KIF21B: variants seen among roughly 807,000 people sequenced by gnomAD.
KIF21B encodes the protein kinesin family member 21B, also known as kinesin-like protein KIF21B.
Under a neutral mutation model 192.9 loss-of-function variants are expected in KIF21B, and 85 were observed. The ratio of observed to expected loss-of-function variants is 0.44; its 90% CI spans 0.37 to 0.53. The LOEUF (loss-of-function observed/expected upper bound fraction) is 0.53, where lower values mean the gene tolerates loss of function less well. Among genes scored for constraint, KIF21B ranks in the 20% least tolerant of loss-of-function variants. The pLI is 0.00. For synonymous variants in KIF21B, 832 were observed against 884.6 expected (o/e 0.94, Z 1.05); for missense variants, 1,716 against 2,194.8 (o/e 0.78, Z 4.36).
In KIF21B at chr1:200,986,753, A is replaced by C; in HGVS notation, c.3689+91T>G. ...TGGCCCAGGTTACACTGTGTACAAG[A>C]TGATCAACAGAGCAGAACATCATAG... On this transcript the variant is annotated intron_variant, in intron 26 of 34. Coordinates refer to ENST00000461742, the MANE Select transcript of KIF21B (RefSeq NM_001252102.2). 3 of 1,150,372 alleles carry C rather than the reference A, an allele frequency of 2.6e-6. No individual in the cohort carries two copies. The East Asian group carries it at 7.1e-5, about 27-fold the overall frequency. The allele number at this position is 1,150,372 out of a possible 1,614,324, so 71.3% of individuals were successfully genotyped here.
intron 1 of KIF21B, 94 bp from the exon 2 acceptor site, chr1:201,009,582 C>A: frequency 1.6e-6 from 2 of 1,232,482 alleles, no homozygotes; most frequent in East Asian, 2.4e-5. Context: ...TGCCACTTCC[C>A]CCATGAGCCA....
At chr1:201,006,250 G>A (rs2102453542) in intron 3 of KIF21B, among the ~76,000 whole-genome samples, 1 of 152,364 alleles carries the variant, frequency 6.6e-6, no homozygotes, top group Middle Eastern at 3.4e-3. Context: ...TAGTGTCCTG[G>A]AGAGGGCCTG....
rs746160875 is a variant in KIF21B at position 200,975,633 on chromosome 1, C to T, written c.4480G>A (p.Gly1494Ser). ...GGGGGCTCGAAGTTGTGAGTGGGGC[C>T]GATGGTGCCCGTCACACACTCGCCC... ...ELGECVTGTI[G>S]PTHNFEPPHY... The change falls in exon 33 of 35, where the codon GGC becomes AGC. Residue 1494 changes from glycine to serine, a missense_variant. By Grantham distance (56) the Gly-to-Ser change is moderately conservative. This residue lies in a region of KIF21B where 580 missense variants were observed against 775.5 expected (regional missense o/e 0.75). Coordinates refer to ENST00000461742, the MANE Select transcript of KIF21B (RefSeq NM_001252102.2). This position sits in a 1 kb window ranked among gnomAD's most constrained non-coding sequence, Gnocchi z 4.3. 30 of 1,613,524 alleles carry T rather than the reference C, an allele frequency of 1.9e-5. No homozygotes were observed. Among genetic ancestry groups the T allele is most frequent in the African/African-American group, 1.1e-4 (8 of 75,034 alleles).
In KIF21B at chr1:200,986,922, C is replaced by T; in HGVS notation, c.3615-4G>A. On this transcript the variant is annotated splice_polypyrimidine_tract_variant and splice_region_variant and intron_variant, in intron 25 of 34. Coordinates refer to ENST00000461742, the MANE Select transcript of KIF21B (RefSeq NM_001252102.2). ...TGTGGCTCGAGATTGCCTAGGGCTACAACAGAAGAGTCCAGTGAGGCCCAG... is the reference window on the plus strand; with the variant it reads ...TGTGGCTCGAGATTGCCTAGGGCTATAACAGAAGAGTCCAGTGAGGCCCAG... 1.2e-6 allele frequency: 2 copies of T among 1,613,638 alleles called. No individual in the cohort carries two copies. The highest frequency in any genetic ancestry group is 1.7e-6 in the Non-Finnish European group (2 of 1,179,692).
At chr1:200,985,324 C>A (rs1161098869) in intron 26 of KIF21B, among the ~76,000 whole-genome samples, 1 of 151,966 alleles carries the variant, frequency 6.6e-6, no homozygotes, top group Non-Finnish European at 1.5e-5. Context: ...CTCAACTCTA[C>A]AAAAAGTAAA....
intron 5 of KIF21B, 55 bp from the exon 6 acceptor site, chr1:201,004,988 CCT>C: frequency 6.4e-7 from 1 of 1,561,476 alleles, no homozygotes; most frequent in Non-Finnish European, 8.7e-7. Context: ...CACTGGCTCC[CCT>C]GATCACAGTA....
In KIF21B at chr1:201,013,622, T is replaced by G. The variant is rs113701589; in HGVS notation, c.42-4134A>C. Among the ~76,000 whole-genome samples the G allele has an allele frequency of 3.9e-5, 6 of 152,234 alleles. 2 individuals carry two copies. Among genetic ancestry groups the G allele is most frequent in the African/African-American group, 1.4e-4 (6 of 41,514 alleles). ...ATCCTCCTGCCTTGGCCTCACAAAG[T>G]GCTGGGATTACAGGCATGAGCCACT... On this transcript the variant is annotated intron_variant, in intron 1 of 34. Transcript: ENST00000461742.
intron 28 of KIF21B, among the ~76,000 whole-genome samples, chr1:200,981,933 GA>G (rs1333493985): frequency 1.3e-5 from 2 of 152,186 alleles, no homozygotes; most frequent in Non-Finnish European, 1.5e-5. Context: ...TTTGGGATGA[GA>G]CCCTGGCTGA....
At position 201,016,237 on chromosome 1, in the gene KIF21B, G is replaced by A. The variant is rs553541506; in HGVS notation, c.42-6749C>T. ...AGGGTGGGAAATAGCTTGGCTTGGA[G>A]AAAAACGATCCCTTCAGAGAATCTC... On this transcript the variant is annotated intron_variant, in intron 1 of 34. Transcript: ENST00000461742. Among the ~76,000 whole-genome samples the A allele has an allele frequency of 2.6e-5, 4 of 152,354 alleles. 1 individual carries two copies. Among genetic ancestry groups the A allele is most frequent in the South Asian group, 2.1e-4 (1 of 4,832 alleles).
At chr1:200,974,411 G>C (rs1369060409) in intron 34 of KIF21B, among the ~76,000 whole-genome samples, 3 of 152,140 alleles carry the variant, frequency 2.0e-5, no homozygotes, top group Admixed American at 6.5e-5. Context: ...TGCTCTGAGA[G>C]ATACCTGCAC....
At chr1:201,009,234 AGCC>A in intron 2 of KIF21B, 29 bp downstream of exon 2, 1 of 1,592,026 alleles carries the variant, frequency 6.3e-7, no homozygotes, top group Admixed American at 1.7e-5. Context: ...CCAAGGCTGG[AGCC>A]GCCATAGGTG....
At chr1:201,010,576 G>A (rs1658173521) in intron 1 of KIF21B, among the ~76,000 whole-genome samples, 1 of 152,126 alleles carries the variant, frequency 6.6e-6, no homozygotes, top group South Asian at 2.1e-4. Context: ...GGGGCTGGGG[G>A]TTAGGCTCTC....
chr1:200,992,206 G>A (rs1459705570), intron 16 of KIF21B, 76 bp downstream of exon 16: 1 of 1,348,794 alleles, frequency 7.4e-7, no homozygotes, highest in Non-Finnish European at 1.0e-6. Flanking sequence ...TTGGTCAGGA[G>A]GGGCAGCCAG....
rs544734399 is a variant in KIF21B at position 200,998,350 on chromosome 1, C to T, written c.2077+34G>A. The T allele has an allele frequency of 9.6e-5, 152 of 1,580,492 alleles. No homozygotes were observed. Among genetic ancestry groups the T allele is most frequent in the African/African-American group, 8.1e-5 (6 of 74,090 alleles). ...AGGGGCTCAGGGAAAAGGGAGGGTC[C>T]GGATGGGGTGGAGGGGCATGGCGGT... On this transcript the variant is annotated intron_variant, in intron 14 of 34. Transcript: ENST00000461742. The surrounding 1 kb of genome is among the most constrained non-coding windows in gnomAD (Gnocchi z 4.3).
At chr1:201,001,737 T>C (rs1406360537) in intron 9 of KIF21B, 1 of 166,250 alleles carries the variant, frequency 6.0e-6, no homozygotes, top group Non-Finnish European at 1.3e-5. Flanking sequence ...CTTAGAGCAA[T>C]ATATATAATC....
chr1:201,020,431 A>T (rs1658752573), intron 1 of KIF21B, among the ~76,000 whole-genome samples: 1 of 152,178 alleles, frequency 6.6e-6, no homozygotes, highest in Non-Finnish European at 1.5e-5. Context: ...AGTCCAGCCC[A>T]GGAAGCTGAG....
chr1:201,007,353 T>C (rs201774287), intron 3 of KIF21B, among the ~76,000 whole-genome samples: 980 of 10,722 alleles, frequency 0.091, 1 homozygote, highest in Middle Eastern at 0.18. Flanking sequence ...CAGAGACACA[T>C]AGACACACAC....
chr1:201,009,511 T>C, intron 1 of KIF21B, 23 bp from the exon 2 acceptor site: 1 of 1,606,846 alleles, frequency 6.2e-7, no homozygotes, highest in Non-Finnish European at 8.5e-7. Flanking sequence ...GAGAGAGCCC[T>C]GGGTCAGGCC....
intron 1 of KIF21B, among the ~76,000 whole-genome samples, chr1:201,012,288 G>C (rs928268410): frequency 3.3e-5 from 5 of 152,188 alleles, no homozygotes; most frequent in Non-Finnish European, 7.3e-5. Flanking sequence ...GGAGACAGGG[G>C]GGCATGGACC....
Sources: gnomAD v4.1 joint callset for allele counts (sites outside exome capture counted in the v4.1 genomes callset) on GRCh38, gnomAD v4.1.1 for gene constraint, gnomAD v4.1.1 regional missense constraint, Gnocchi (gnomAD v3.1) non-coding constraint, MANE v1.5 for transcripts, NCBI Gene and HGNC (gene_info 2026-07-23, HGNC 2026-07-21) for gene names.